Variants in KCNK10 observed in about 807,000 individuals in gnomAD.
The protein encoded by KCNK10 is potassium two pore domain channel subfamily K member 10.
KCNK10 carries 25 observed loss-of-function variants against 47.7 expected under a neutral mutation model. The ratio of observed to expected loss-of-function variants is 0.52; its 90% CI spans 0.38 to 0.73. The LOEUF (loss-of-function observed/expected upper bound fraction) is 0.73, where lower values mean the gene tolerates loss of function less well. KCNK10 is among the 30% of genes least tolerant of loss of function. The pLI, the probability that KCNK10 is intolerant of heterozygous loss-of-function variation, is 0.00. For synonymous variants in KCNK10, 303 were observed against 285.6 expected (o/e 1.06, Z -0.61); for missense variants, 563 against 714.5 (o/e 0.79, Z 2.42).
At chr14:88,289,408 T>G (rs1887831580) in intron 1 of KCNK10, among the ~76,000 whole-genome samples, 1 of 152,232 alleles carries the variant, frequency 6.6e-6, no homozygotes, top group East Asian at 1.9e-4. Flanking sequence ...GAATTAATCA[T>G]GCCCTTACAC....
chr14:88,240,835 A>G lies in KCNK10; in HGVS notation c.403-15T>C, dbSNP rs758418163. ...TCAAGAGCATGCTGCAAAGAAAGGG[A>G]AAAAGCATAAGACTCAGTTTAAAAG... On this transcript the variant is annotated splice_polypyrimidine_tract_variant and intron_variant, in intron 2 of 6. Transcript: ENST00000319231. 1.8e-5 allele frequency: 27 copies of G among 1,509,664 alleles called. No homozygotes were observed. In the South Asian group the frequency reaches 2.7e-4, roughly 15 times the overall value. 93.5% of individuals were successfully genotyped at this position (1,509,664 alleles called of 1,614,324 possible).
At chr14:88,271,024 G>T in intron 1 of KCNK10, 1 of 554,216 alleles carries the variant, frequency 1.8e-6, no homozygotes, top group Non-Finnish European at 3.2e-6. Flanking sequence ...ACCCAGACCC[G>T]CTCACACCTG....
chr14:88,326,721 C>T, upstream of KCNK10: 1 of 506,524 alleles, frequency 2.0e-6, no homozygotes, highest in South Asian at 2.6e-5. Context: ...ACCTGCCCGG[C>T]TGGAGCGCAC....
chr14:88,301,925 C>T (rs973696888), intron 1 of KCNK10, among the ~76,000 whole-genome samples: 8 of 152,124 alleles, frequency 5.3e-5, no homozygotes, highest in Admixed American at 2.6e-4. Context: ...GGCTGTTCCA[C>T]GGAGGATCAA....
At chr14:88,250,042 A>C (rs1736992593) in intron 2 of KCNK10, among the ~76,000 whole-genome samples, 2 of 152,248 alleles carry the variant, frequency 1.3e-5, no homozygotes, top group South Asian at 4.1e-4. Context: ...CTAAAGGAGA[A>C]CAAACCCATG....
At chr14:88,263,580 G>C in intron 1 of KCNK10, 29 bp from the exon 2 acceptor site, 1 of 1,573,814 alleles carries the variant, frequency 6.4e-7, no homozygotes, top group Non-Finnish European at 8.6e-7. Context: ...GGACAAAGAA[G>C]AAGAGAGTTT....
intron 2 of KCNK10, among the ~76,000 whole-genome samples, chr14:88,255,259 A>G (rs1474332476): frequency 6.6e-6 from 1 of 152,188 alleles, no homozygotes; most frequent in Non-Finnish European, 1.5e-5. Flanking sequence ...AGTATGGCAC[A>G]AGGGTTCAGT....
At chr14:88,214,559 A>G (rs1394650538) in intron 4 of KCNK10, among the ~76,000 whole-genome samples, 1 of 152,238 alleles carries the variant, frequency 6.6e-6, no homozygotes, top group East Asian at 1.9e-4. Flanking sequence ...ATTACTTTTA[A>G]TGTCCTATAG....
intron 4 of KCNK10, among the ~76,000 whole-genome samples, chr14:88,199,080 C>G (rs1885016847): frequency 1.3e-5 from 2 of 151,896 alleles, no homozygotes; most frequent in South Asian, 4.1e-4. Flanking sequence ...CCGCCACGCC[C>G]AGCTAATGAT....
chr14:88,316,319 G>C (rs1446725141), intron 1 of KCNK10, among the ~76,000 whole-genome samples: 6 of 151,042 alleles, frequency 4.0e-5, no homozygotes, highest in South Asian at 2.1e-4. Flanking sequence ...CACTCACAGG[G>C]AGAAAAAAAA....
chr14:88,199,448 G>A (rs1885029658), intron 4 of KCNK10, among the ~76,000 whole-genome samples: 1 of 152,158 alleles, frequency 6.6e-6, no homozygotes, highest in South Asian at 2.1e-4. Flanking sequence ...AGTGGATTGG[G>A]ACAGCCATTA....
rs1458552422 is a variant in KCNK10, at chr14:88,322,549, A to G, written c.52+198T>C. ...AGACAATCTAGGAGGGACAATGATT[A>G]TGTGGTAATGACAGGCACTATCTGG... On this transcript the variant is annotated intron_variant, in intron 1 of 6. Coordinates refer to ENST00000319231, the MANE Select transcript of KCNK10 (RefSeq NM_138317.3). The surrounding 1 kb of genome is among the most constrained non-coding windows in gnomAD (Gnocchi z 4.8). 6.6e-6 allele frequency among the ~76,000 whole-genome samples: 1 copy of G among 152,186 alleles called. No homozygotes were observed. The highest frequency in any genetic ancestry group is 1.5e-5 in the Non-Finnish European group (1 of 68,032).
chr14:88,262,425 C>T (rs1169394682), intron 2 of KCNK10, among the ~76,000 whole-genome samples: 7 of 152,186 alleles, frequency 4.6e-5, no homozygotes. Context: ...TCACAACCCT[C>T]CTGATCCAGT....
intron 4 of KCNK10, among the ~76,000 whole-genome samples, chr14:88,210,524 G>A (rs1885420608): frequency 1.3e-5 from 2 of 152,224 alleles, no homozygotes; most frequent in African/African-American, 4.8e-5. Flanking sequence ...AAGGTCTGGT[G>A]GAAACTGGAT....
intron 4 of KCNK10, among the ~76,000 whole-genome samples, chr14:88,203,444 G>A (rs1283143289): frequency 1.3e-5 from 2 of 152,222 alleles, no homozygotes; most frequent in African/African-American, 2.4e-5. Flanking sequence ...GGCTTCAGCT[G>A]CCTCGAGGCA....
At chr14:88,239,588 G>A (rs1370860261) in intron 3 of KCNK10, among the ~76,000 whole-genome samples, 1 of 152,200 alleles carries the variant, frequency 6.6e-6, no homozygotes, top group Non-Finnish European at 1.5e-5. Context: ...GCCAGGTGCG[G>A]TGGCTCACGC....
chr14:88,242,929 T>C (rs1234246122), intron 2 of KCNK10, among the ~76,000 whole-genome samples: 1 of 152,084 alleles, frequency 6.6e-6, no homozygotes, highest in Non-Finnish European at 1.5e-5. Context: ...TATTTACAAC[T>C]CCTATCAAGC....
intron 2 of KCNK10, among the ~76,000 whole-genome samples, chr14:88,249,497 CT>C (rs1429077959): frequency 6.6e-6 from 1 of 152,170 alleles, no homozygotes; most frequent in Admixed American, 6.5e-5. Flanking sequence ...GACTCCTGCT[CT>C]GTGACTAAGG....
At chr14:88,310,495 T>C (rs914679499) in intron 1 of KCNK10, among the ~76,000 whole-genome samples, 1 of 152,122 alleles carries the variant, frequency 6.6e-6, no homozygotes, top group African/African-American at 2.4e-5. Flanking sequence ...GAGTGGTGTG[T>C]GTCAGCTGTG....
Sources: gnomAD v4.1 joint callset for allele counts (sites outside exome capture counted in the v4.1 genomes callset) on GRCh38, gnomAD v4.1.1 for gene constraint, Gnocchi (gnomAD v3.1) non-coding constraint, MANE v1.5 for transcripts, NCBI Gene and HGNC (gene_info 2026-07-23, HGNC 2026-07-21) for gene names.